Variants in CNGA3 observed in about 807,000 individuals in gnomAD.
CNGA3 encodes cyclic nucleotide gated channel subunit alpha 3.
A neutral mutation model predicts 46.6 loss-of-function variants in CNGA3; 42 were observed. The ratio of observed to expected loss-of-function variants is 0.90; its 90% confidence interval spans 0.70 to 1.17. CNGA3 has a LOEUF of 1.17. Ranked by LOEUF, CNGA3 falls within the 50% of genes most tolerant of loss-of-function variation. The probability of loss-of-function intolerance (pLI) is 0.00; values close to 1 mark genes in which losing one functional copy is unlikely to be tolerated. For synonymous variants in CNGA3, 394 were observed against 369.4 expected, an observed-to-expected ratio of 1.07 and a Z score of -0.76; for missense variants, 893 against 890.7, an observed-to-expected ratio of 1.00 and a Z score of -0.03.
chr2:98,363,927 G>A, intron 1 of CNGA3, among the ~76,000 whole-genome samples: 1 of 152,154 alleles, frequency 6.6e-6, no homozygotes, highest in East Asian at 1.9e-4. Context: ...GTGGGAGTCT[G>A]CATCTCTTTG....
At chr2:98,357,559 C>T (rs1233035901) in intron 1 of CNGA3, among the ~76,000 whole-genome samples, 1 of 152,212 alleles carries the variant, frequency 6.6e-6, no homozygotes, top group Non-Finnish European at 1.5e-5. Flanking sequence ...AAATGTTGTG[C>T]TCTCAATGGC....
chr2:98,383,430 C>T lies in CNGA3; in HGVS notation c.438C>T (p.Asn146=), dbSNP rs138720071. ...LAKCNTNTSN[N]TEEEKKTKKK... ...AATGCAACACTAACACCAGCAACAA[C>T]ACGGAGGAGGAGTAAGTACCCACAC... Residue 146 remains asparagine, a synonymous_variant, in exon 5 of 8, where the codon AAC becomes AAT. Coordinates refer to ENST00000272602, the MANE Select transcript of CNGA3 (RefSeq NM_001298.3). The T allele has an allele frequency of 1.6e-4, 260 of 1,614,236 alleles. No individual in the cohort carries two copies. The African/African-American group carries it at 3.2e-3, about 20-fold the overall frequency.
chr2:98,373,919 A>T (rs1692348053), intron 2 of CNGA3, among the ~76,000 whole-genome samples: 1 of 152,164 alleles, frequency 6.6e-6, no homozygotes, highest in African/African-American at 2.4e-5. Flanking sequence ...ATTACCACCA[A>T]AGAAAACCAT....
chr2:98,377,012 C>T (rs1692418174), intron 2 of CNGA3, among the ~76,000 whole-genome samples: 1 of 152,220 alleles, frequency 6.6e-6, no homozygotes, highest in Non-Finnish European at 1.5e-5. Context: ...CCACACCTTA[C>T]CTCTGCCTTG....
At chr2:98,384,050 C>T (rs980433653) in intron 5 of CNGA3, among the ~76,000 whole-genome samples, 1 of 152,060 alleles carries the variant, frequency 6.6e-6, no homozygotes, top group Non-Finnish European at 1.5e-5. Flanking sequence ...CCACACCCGG[C>T]TAGTTTTTTT....
At chr2:98,360,557 CCCAGCTT>C (rs1473601158) in intron 1 of CNGA3, among the ~76,000 whole-genome samples, 1 of 152,112 alleles carries the variant, frequency 6.6e-6, no homozygotes, top group African/African-American at 2.4e-5. Context: ...CTAATAAAGC[CCCAGCTT>C]CTAGCATATT....
chr2:98,389,837 C>A, intron 6 of CNGA3, 63 bp downstream of exon 6: 1 of 1,348,438 alleles, frequency 7.4e-7, no homozygotes, highest in South Asian at 1.2e-5. Flanking sequence ...GCCCAGGAGC[C>A]AGAGCTCCAC....
At chr2:98,393,868 C>A (rs1275717164) in intron 7 of CNGA3, among the ~76,000 whole-genome samples, 1 of 151,836 alleles carries the variant, frequency 6.6e-6, no homozygotes, top group Non-Finnish European at 1.5e-5. Context: ...GCACAGGAGG[C>A]TACATAATGA....
Position 98,397,548 on chromosome 2 carries a change from G to T in CNGA3, c.*293G>T. The T allele has an allele frequency of 2.1e-6, 1 of 467,800 alleles. No homozygotes were observed. The highest frequency in any genetic ancestry group is 4.0e-5 in the East Asian group (1 of 25,158). The allele number at this position is 467,800 out of a possible 1,614,324, so 29.0% of individuals were successfully genotyped here. On this transcript the variant is annotated 3_prime_UTR_variant, in exon 8 of 8. Coordinates refer to ENST00000272602, the MANE Select transcript of CNGA3 (RefSeq NM_001298.3). Reference sequence around the variant, plus strand: ...CAAGTATATGAAAACGTGCACACAGGACTCTCATTACTTTTTTATGGAATC... The same window carrying T: ...CAAGTATATGAAAACGTGCACACAGTACTCTCATTACTTTTTTATGGAATC...
intron 1 of CNGA3, among the ~76,000 whole-genome samples, chr2:98,353,946 A>C (rs557436102): frequency 1.3e-5 from 2 of 152,304 alleles, no homozygotes; most frequent in South Asian, 4.1e-4. Flanking sequence ...GAACAGCACC[A>C]AGGCAGTGGT....
chr2:98,364,769 T>C (rs1346553098), intron 1 of CNGA3, among the ~76,000 whole-genome samples: 2 of 152,176 alleles, frequency 1.3e-5, no homozygotes, highest in African/African-American at 4.8e-5. Context: ...TTCCTTTCCA[T>C]AGTTAGTGTT....
rs969120456 is a variant in CNGA3 at position 98,397,537 on chromosome 2, C to T, written c.*282C>T. On this transcript the variant is annotated 3_prime_UTR_variant, in exon 8 of 8. Coordinates refer to ENST00000272602, the MANE Select transcript of CNGA3 (RefSeq NM_001298.3). ...TATCCCCAGTCCAAGTATATGAAAA[C>T]GTGCACACAGGACTCTCATTACTTT... The T allele has an allele frequency of 4.2e-5, 21 of 498,254 alleles. No homozygotes were observed. Among genetic ancestry groups the T allele is most frequent in the East Asian group, 1.1e-4 (3 of 27,574 alleles). The allele number at this position is 498,254 out of a possible 1,614,324, so 30.9% of individuals were successfully genotyped here. A position where few individuals can be genotyped will look rare whatever the true frequency, so the allele number is the denominator to read the frequency against.
chr2:98,347,842 C>T (rs1016268938), intron 1 of CNGA3, among the ~76,000 whole-genome samples: 1 of 152,170 alleles, frequency 6.6e-6, no homozygotes, highest in African/African-American at 2.4e-5. Flanking sequence ...GCACTGTCCG[C>T]CACCCCCTCC....
At chr2:98,370,225 T>A in intron 2 of CNGA3, 149 bp downstream of exon 2, 1 of 710,248 alleles carries the variant, frequency 1.4e-6, no homozygotes, top group Admixed American at 2.0e-5. Context: ...CAACTTCATT[T>A]TTCATCTCAC....
At position 98,396,685 on chromosome 2, in the gene CNGA3, T is replaced by C; in HGVS notation, c.1515T>C (p.Pro505=). The C allele has an allele frequency of 1.2e-6, 2 of 1,614,062 alleles. No individual in the cohort carries two copies. The highest frequency in any genetic ancestry group is 1.7e-6 in the Non-Finnish European group (2 of 1,180,016). ...AGCTGCGACCCACTGTGTTCAGCCC[T>C]GGGGATTATATCTGCAAGAAGGGAG... ...VLKLRPTVFS[P]GDYICKKGDI... The change falls in exon 8 of 8, where the codon CCT becomes CCC. Residue 505 remains proline (P), a synonymous_variant. Transcript: ENST00000272602.
chr2:98,368,404 A>G (rs1692211361), intron 1 of CNGA3, among the ~76,000 whole-genome samples: 1 of 152,222 alleles, frequency 6.6e-6, no homozygotes, highest in African/African-American at 2.4e-5. Context: ...GCCTGTGCTA[A>G]TCTATTTTAG....
intron 1 of CNGA3, among the ~76,000 whole-genome samples, chr2:98,364,326 C>G (rs994128131): frequency 6.6e-6 from 1 of 151,968 alleles, no homozygotes; most frequent in African/African-American, 2.4e-5. Flanking sequence ...TGCAGTGACC[C>G]GAGATTGCAC....
intron 4 of CNGA3, 106 bp downstream of exon 4, chr2:98,380,460 G>A (rs775841472): frequency 1.7e-5 from 23 of 1,364,316 alleles, no homozygotes; most frequent in African/African-American, 4.3e-5. Context: ...GGCCTGGAAC[G>A]TCATCCCCAT....
chr2:98,374,865 T>C (rs927994731), intron 2 of CNGA3, among the ~76,000 whole-genome samples: 7 of 152,384 alleles, frequency 4.6e-5, no homozygotes, highest in Non-Finnish European at 4.4e-5. Flanking sequence ...TTGCATCATG[T>C]AAGGATCTCC....
Sources: allele counts gnomAD v4.1 joint callset (sites outside exome capture counted in the v4.1 genomes callset), GRCh38; gene constraint gnomAD v4.1.1; transcripts MANE v1.5; gene names NCBI Gene and HGNC (gene_info 2026-07-23, HGNC 2026-07-21).